AMPD2: variants seen among roughly 807,000 people sequenced by gnomAD.
AMPD2 encodes the protein adenosine monophosphate deaminase 2, also known as AMP deaminase 2.
In AMPD2, 52 loss-of-function variants were observed where a neutral mutation model predicts 91.3. The ratio of observed to expected loss-of-function variants is 0.57; its 90% CI spans 0.46 to 0.72. The LOEUF (loss-of-function observed/expected upper bound fraction) is 0.72, where lower values mean the gene tolerates loss of function less well. AMPD2 is among the 30% of genes least tolerant of loss of function. AMPD2 has a pLI of 0.00. For synonymous variants in AMPD2, 455 were observed against 456.4 expected (o/e 1.00, Z 0.04); for missense variants, 822 against 1,122.3 (o/e 0.73, Z 3.82).
chr1:109,622,360 G>A (rs1650337826), intron 2 of AMPD2: 1 of 453,416 alleles, frequency 2.2e-6, no homozygotes, highest in Non-Finnish European at 4.4e-6. Flanking sequence ...GATGGTAAGA[G>A]CATCTGATAC....
Position 109,631,323 on chromosome 1 carries a change from A to G in AMPD2, c.*171A>G. On this transcript the variant is annotated 3_prime_UTR_variant, in exon 19 of 19. Transcript: ENST00000528667. ...CACCCAGTGAAAGCAAAGCCTGGGA[A>G]TCTGCTCATTGTTGTTTGGGCTCAG... 1 of 712,586 alleles carries G rather than the reference A, an allele frequency of 1.4e-6. No individual in the cohort carries two copies. The highest frequency in any genetic ancestry group is 1.8e-5 in the South Asian group (1 of 55,320). The allele number at this position is 712,586 out of a possible 1,614,324, so 44.1% of individuals were successfully genotyped here.
At chr1:109,623,469 A>C (rs1650413509) in intron 2 of AMPD2, among the ~76,000 whole-genome samples, 1 of 152,144 alleles carries the variant, frequency 6.6e-6, no homozygotes, top group South Asian at 2.1e-4. Flanking sequence ...GCAGCTGGGC[A>C]GCGGGGAAGC....
chr1:109,625,877 C>A lies in AMPD2; in HGVS notation c.353+85C>A. The stretch of plus-strand genomic sequence containing the variant: ...CCCTTTTCTGCCTCTTTCCCTCGCA[C>A]CCTGCCTTGGGGGGTCTGCACAGGG... On this transcript the variant is annotated intron_variant, in intron 4 of 18. Transcript: ENST00000528667. This position sits in a 1 kb window ranked among gnomAD's most constrained non-coding sequence, Gnocchi z 4.0. The A allele has an allele frequency of 2.6e-6, 4 of 1,565,594 alleles. No individual in the cohort carries two copies. Among genetic ancestry groups the A allele is most frequent in the Non-Finnish European group, 3.5e-6 (4 of 1,153,104 alleles).
rs1257387138 is a variant in AMPD2 at position 109,629,102 on chromosome 1, C to A, written c.1572-7C>A. 1 of 1,613,382 alleles carries A rather than the reference C, an allele frequency of 6.2e-7. No homozygotes were observed. The highest frequency in any genetic ancestry group is 1.3e-5 in the African/African-American group (1 of 74,932). On this transcript the variant is annotated splice_region_variant and splice_polypyrimidine_tract_variant and intron_variant, in intron 13 of 18. Coordinates refer to ENST00000528667, the MANE Select transcript of AMPD2 (RefSeq NM_001368809.2). ...TTGCACATACCTGCATGTTGTCTCA[C>A]CTGCAGTGATGTGTACCGTACCAAG...
rs1651296016 is a variant in AMPD2 at position 109,631,830 on chromosome 1, A to AGCT, written c.*681_*683dup. On this transcript the variant is annotated 3_prime_UTR_variant, in exon 19 of 19. Coordinates refer to ENST00000528667, the MANE Select transcript of AMPD2 (RefSeq NM_001368809.2). Reference sequence around the variant, plus strand: ...TTCCTGTGCCTCTGTGGGAGAGGGCAGCTGCCTTGTGTTATGTCTGGGGCC... The same window carrying AGCT: ...TTCCTGTGCCTCTGTGGGAGAGGGCAGCTGCTGCCTTGTGTTATGTCTGGGGCC... 1 of 155,060 alleles carries AGCT rather than the reference A, an allele frequency of 6.4e-6. No individual in the cohort carries two copies. Among genetic ancestry groups the AGCT allele is most frequent in the Admixed American group, 6.3e-5 (1 of 15,764 alleles). The allele number at this position is 155,060 out of a possible 1,614,324, so 9.6% of individuals were successfully genotyped here.
At chr1:109,621,449 G>C in intron 2 of AMPD2, 183 bp downstream of exon 2, 1 of 661,046 alleles carries the variant, frequency 1.5e-6, no homozygotes. Context: ...TGGGGGGCGG[G>C]GGGTGGATCT....
Position 109,625,553 on chromosome 1 carries a change from C to T in AMPD2, c.223-109C>T, listed in dbSNP as rs899122381. 104 of 1,594,524 alleles carry T rather than the reference C, an allele frequency of 6.5e-5. No individual in the cohort carries two copies. The highest frequency in any genetic ancestry group is 8.7e-5 in the Non-Finnish European group (101 of 1,167,130). On this transcript the variant is annotated intron_variant, in intron 3 of 18. Coordinates refer to ENST00000528667, the MANE Select transcript of AMPD2 (RefSeq NM_001368809.2). The surrounding 1 kb of genome is among the most constrained non-coding windows in gnomAD (Gnocchi z 4.0). ...GCTTGGCTGTCTCCTGATCCTCAGC[C>T]TCTCCCAGGTACCCCTGGTCCTGCT...
intron 2 of AMPD2, among the ~76,000 whole-genome samples, chr1:109,622,952 C>T (rs1203140593): frequency 1.3e-5 from 2 of 152,108 alleles, no homozygotes; most frequent in African/African-American, 4.8e-5. Flanking sequence ...ACAGCTTCCC[C>T]TCTTTTCTTC....
chr1:109,620,386 G>A (rs761400230), intron 1 of AMPD2, 108 bp downstream of exon 1: 8 of 1,525,842 alleles, frequency 5.2e-6, no homozygotes, highest in African/African-American at 2.7e-5. Flanking sequence ...ACCTAGGGAA[G>A]GCGGTCAGCT....
In AMPD2 at chr1:109,631,034, G is replaced by A; in HGVS notation, c.2360G>A (p.Gly787Asp). Residue 787 changes from glycine (G) to aspartate (D), a missense_variant, in exon 19 of 19, where the codon GGC becomes GAC. Gly to Asp is a moderately conservative substitution (Grantham distance 94). Coordinates refer to ENST00000528667, the MANE Select transcript of AMPD2 (RefSeq NM_001368809.2). ...ACCAATGTGCCAGACATCCGCGTGGGCTACCGCTACGAGACCCTGTGCCAG... is the reference window on the plus strand; with the variant it reads ...ACCAATGTGCCAGACATCCGCGTGGACTACCGCTACGAGACCCTGTGCCAG... The part of the protein sequence containing the change: ...RRTNVPDIRV[G>D]YRYETLCQEL... The A allele has an allele frequency of 4.3e-6, 7 of 1,614,156 alleles. No individual in the cohort carries two copies. Among genetic ancestry groups the A allele is most frequent in the Non-Finnish European group, 5.1e-6 (6 of 1,180,026 alleles).
At position 109,628,961 on chromosome 1, in the gene AMPD2, A is replaced by G; in HGVS notation, c.1572-148A>G. On this transcript the variant is annotated intron_variant, in intron 13 of 18. Transcript: ENST00000528667. This position sits in a 1 kb window ranked among gnomAD's most constrained non-coding sequence, Gnocchi z 7.1. The stretch of plus-strand genomic sequence containing the variant: ...TCCTGGTCCCATCCATGGTCTGTCC[A>G]GCCTGGCCCACCTGGGTATCCTTGC... 2 of 1,437,794 alleles carry G rather than the reference A, an allele frequency of 1.4e-6. No homozygotes were observed. The highest frequency in any genetic ancestry group is 1.9e-6 in the Non-Finnish European group (2 of 1,075,348). 89.1% of individuals were successfully genotyped at this position (1,437,794 alleles called of 1,614,324 possible). A position where few individuals can be genotyped will look rare whatever the true frequency, so the allele number is the denominator to read the frequency against.
chr1:109,625,162 C>T lies in AMPD2; in HGVS notation c.92-141C>T. The T allele has an allele frequency of 8.5e-7, 1 of 1,180,304 alleles. No homozygotes were observed. The highest frequency in any genetic ancestry group is 1.5e-5 in the South Asian group (1 of 65,968). The allele number at this position is 1,180,304 out of a possible 1,614,324, so 73.1% of individuals were successfully genotyped here. A position where few individuals can be genotyped will look rare whatever the true frequency, so the allele number is the denominator to read the frequency against. On this transcript the variant is annotated intron_variant, in intron 2 of 18. Transcript: ENST00000528667. The surrounding 1 kb of genome is among the most constrained non-coding windows in gnomAD (Gnocchi z 4.0). ...GCCCTTTGGGAGCCACACACACAGG[C>T]CTACTCCTCAGCTACTGAGGAGGGA...
intron 17 of AMPD2, 62 bp from the exon 18 acceptor site, chr1:109,630,621 G>A: frequency 2.1e-6 from 3 of 1,449,926 alleles, no homozygotes; most frequent in Middle Eastern, 2.4e-4. Context: ...GAGGAGGCTG[G>A]GGAAGGGAGG....
In AMPD2 at chr1:109,629,407, G is replaced by T; in HGVS notation, c.1779G>T (p.Ala593=). 1 of 1,614,080 alleles carries T rather than the reference G, an allele frequency of 6.2e-7. No individual in the cohort carries two copies. The highest frequency in any genetic ancestry group is 2.2e-5 in the East Asian group (1 of 44,876). ...VFNLESPLPE[A]WVEEDNPPYA... is the part of the protein sequence containing the mutation. ...ACCTGGAGAGCCCCCTGCCTGAGGC[G>T]TGGGTGGAGGAGGACAACCCACCCT... Residue 593 remains alanine (A), a synonymous_variant, in exon 15 of 19, where the codon GCG becomes GCT. Coordinates refer to ENST00000528667, the MANE Select transcript of AMPD2 (RefSeq NM_001368809.2).
In AMPD2 at chr1:109,627,605, G is replaced by A. The variant is rs958343652; in HGVS notation, c.950+87G>A. The A allele has an allele frequency of 1.0e-4, 157 of 1,556,276 alleles. No homozygotes were observed. The East Asian group carries it at 3.5e-3, about 35-fold the overall frequency. ...TTCTGCCCCAGACTCCCATCACCTG[G>A]TGTCTTGCCCTTCCTAGTTGCTGAG... On this transcript the variant is annotated intron_variant, in intron 9 of 18. Transcript: ENST00000528667.
At position 109,625,834 on chromosome 1, in the gene AMPD2, T is replaced by C. The variant is rs1428844816; in HGVS notation, c.353+42T>C. ...GCTGCTTAGTCTCCCTCCATACCCT[T>C]CCAGACCCTTTCAGAGCCCCTTTTC... is the stretch of plus-strand genomic sequence containing the variant. On this transcript the variant is annotated intron_variant, in intron 4 of 18. Transcript: ENST00000528667. The surrounding 1 kb of genome is among the most constrained non-coding windows in gnomAD (Gnocchi z 4.0). 1 of 1,610,190 alleles carries C rather than the reference T, an allele frequency of 6.2e-7. No individual in the cohort carries two copies. Among genetic ancestry groups the C allele is most frequent in the South Asian group, 1.1e-5 (1 of 90,938 alleles).
chr1:109,630,577 G>T, intron 17 of AMPD2, 106 bp from the exon 18 acceptor site: 1 of 988,164 alleles, frequency 1.0e-6, no homozygotes, highest in Non-Finnish European at 1.5e-6. Flanking sequence ...TGGGGGGTTG[G>T]GGGGATGGGG....
At position 109,621,025 on chromosome 1, in the gene AMPD2, T is replaced by C. The variant is rs748788622; in HGVS notation, c.-151T>C. The stretch of plus-strand genomic sequence containing the variant: ...GTTGCCTAGACAACATGAGAAATCG[T>C]GGCCAGGGCCTCTTCCGCCTGCGGA... On this transcript the variant is annotated 5_prime_UTR_variant, in exon 2 of 19. Coordinates refer to ENST00000528667, the MANE Select transcript of AMPD2 (RefSeq NM_001368809.2). 1.3e-6 allele frequency: 2 copies of C among 1,592,142 alleles called. No homozygotes were observed. The highest frequency in any genetic ancestry group is 1.7e-6 in the Non-Finnish European group (2 of 1,169,444).
chr1:109,624,050 G>C lies in AMPD2; in HGVS notation c.92-1253G>C. The C allele has an allele frequency of 1.0e-6, 1 of 985,632 alleles. No homozygotes were observed. The highest frequency in any genetic ancestry group is 1.2e-6 in the Non-Finnish European group (1 of 830,072). The allele number at this position is 985,632 out of a possible 1,614,324, so 61.1% of individuals were successfully genotyped here. ...CTTCACTGGCAAACAGGCGGGCAAGGGGCACAGGGCTGCTGGCCGGAGCTG... is the reference window on the plus strand; with the variant it reads ...CTTCACTGGCAAACAGGCGGGCAAGCGGCACAGGGCTGCTGGCCGGAGCTG... On this transcript the variant is annotated intron_variant, in intron 2 of 18. Coordinates refer to ENST00000528667, the MANE Select transcript of AMPD2 (RefSeq NM_001368809.2). The surrounding 1 kb of genome is among the most constrained non-coding windows in gnomAD (Gnocchi z 5.2).
Sources: allele counts gnomAD v4.1 joint callset (sites outside exome capture counted in the v4.1 genomes callset), GRCh38; gene constraint gnomAD v4.1.1; non-coding constraint Gnocchi (gnomAD v3.1); transcripts MANE v1.5; gene names NCBI Gene and HGNC (gene_info 2026-07-23, HGNC 2026-07-21).